The following ZNF608 variants were observed in gnomAD, a reference collection of about 807,000 sequenced individuals.
ZNF608 encodes renal carcinoma antigen NY-REN-36.
Under a neutral mutation model 109.0 loss-of-function variants are expected in ZNF608, and 12 were observed. The observed-to-expected ratio is 0.11, with a 90% CI of 0.07 to 0.18. The LOEUF (loss-of-function observed/expected upper bound fraction) is 0.18. ZNF608 is among the 10% of genes least tolerant of loss of function. ZNF608 has a pLI of 1.00. For synonymous variants in ZNF608, 732 were observed against 717.4 expected (o/e 1.02, Z -0.33); for missense variants, 1,707 against 1,879.3 (o/e 0.91, Z 1.70).
chr5:124,699,052 C>G (rs1752949658), intron 3 of ZNF608, among the ~76,000 whole-genome samples: 2 of 152,162 alleles, frequency 1.3e-5, no homozygotes, highest in African/African-American at 4.8e-5. Flanking sequence ...AGTAAATTAT[C>G]CAAGTACAAA....
Position 124,710,121 on chromosome 5 carries a change from C to T in ZNF608, c.907-8852G>A, listed in dbSNP as rs117248457. 141 of 429,902 alleles carry T rather than the reference C, an allele frequency of 3.3e-4. 1 individual carries two copies. In the East Asian group the frequency reaches 9.3e-3, roughly 28 times the overall value. 26.6% of individuals were successfully genotyped at this position (429,902 alleles called of 1,614,324 possible). ...GATAAATACATTGTCCTTGTGTGAC[C>T]CTTATTTCTCCTTGAAATTAGGTTG... On this transcript the variant is annotated intron_variant, in intron 2 of 9. Coordinates refer to ENST00000513986, the MANE Select transcript of ZNF608 (RefSeq NM_020747.3).
Position 124,649,708 on chromosome 5 carries a change from C to A in ZNF608, c.1163-11G>T. 6.4e-7 allele frequency: 1 copy of A among 1,553,156 alleles called. No homozygotes were observed. Among genetic ancestry groups the A allele is most frequent in the South Asian group, 1.2e-5 (1 of 83,752 alleles). ...TGACCACTAGGACACCTGCAGGAGGCAGGGGATGAAAAAGGATCATAGTTA... is the reference window on the plus strand; with the variant it reads ...TGACCACTAGGACACCTGCAGGAGGAAGGGGATGAAAAAGGATCATAGTTA... On this transcript the variant is annotated splice_polypyrimidine_tract_variant and intron_variant, in intron 3 of 9. Transcript: ENST00000513986.
At chr5:124,663,703 C>G (rs1751369465) in intron 3 of ZNF608, among the ~76,000 whole-genome samples, 1 of 152,132 alleles carries the variant, frequency 6.6e-6, no homozygotes, top group Non-Finnish European at 1.5e-5. Context: ...CACACTTTCC[C>G]AAACCGGTGA....
At chr5:124,644,112 G>T in intron 6 of ZNF608, 132 bp downstream of exon 6, 5 of 800,516 alleles carry the variant, frequency 6.2e-6, no homozygotes, top group South Asian at 5.2e-5. Context: ...TTTATCTTTG[G>T]GACTTTAAAC....
At chr5:124,700,478 A>G (rs1309671597) in intron 3 of ZNF608, among the ~76,000 whole-genome samples, 1 of 152,268 alleles carries the variant, frequency 6.6e-6, no homozygotes, top group African/African-American at 2.4e-5. Flanking sequence ...GTCTCTGGCC[A>G]TAGAAGAGAA....
intron 1 of ZNF608, 77 bp downstream of exon 1, chr5:124,746,118 T>C (rs1749631578): frequency 1.0e-6 from 1 of 985,054 alleles, no homozygotes; most frequent in African/African-American, 1.7e-5. Flanking sequence ...TCAGCCCCTT[T>C]TTAACAGTTG....
At position 124,710,513 on chromosome 5, in the gene ZNF608, A is replaced by G. The variant is rs181360451; in HGVS notation, c.907-9244T>C. Reference sequence around the variant, plus strand: ...AAGGGAAGGCCACAGAAGCACCCAAAGCATCGTGGGTCGGCTACAGAAGAA... The same window carrying G: ...AAGGGAAGGCCACAGAAGCACCCAAGGCATCGTGGGTCGGCTACAGAAGAA... On this transcript the variant is annotated intron_variant, in intron 2 of 9. Transcript: ENST00000513986. 48 of 253,288 alleles carry G rather than the reference A, an allele frequency of 1.9e-4. 2 individuals are homozygous for G. In the East Asian group the frequency reaches 3.7e-3, roughly 20 times the overall value. 15.7% of individuals were successfully genotyped at this position (253,288 alleles called of 1,614,324 possible).
intron 3 of ZNF608, among the ~76,000 whole-genome samples, chr5:124,697,697 T>C (rs547990482): frequency 1.3e-5 from 2 of 152,302 alleles, no homozygotes; most frequent in East Asian, 1.9e-4. Context: ...GCAGTAACAC[T>C]AGGGGAAAGA....
chr5:124,716,663 T>TA (rs1225790887), intron 2 of ZNF608, among the ~76,000 whole-genome samples: 2 of 152,334 alleles, frequency 1.3e-5, no homozygotes, highest in African/African-American at 4.8e-5. Context: ...CAGGTAGCTT[T>TA]AGTGTTAAGT....
At chr5:124,717,797 T>G (rs1011049765) in intron 2 of ZNF608, among the ~76,000 whole-genome samples, 11 of 152,168 alleles carry the variant, frequency 7.2e-5, no homozygotes, top group Admixed American at 1.3e-4. Flanking sequence ...GCATGCGACA[T>G]GCAACCTGGT....
intron 2 of ZNF608, among the ~76,000 whole-genome samples, chr5:124,742,984 T>A (rs915598911): frequency 6.6e-6 from 1 of 152,340 alleles, no homozygotes; most frequent in Admixed American, 6.5e-5. Flanking sequence ...ATATGAAGAT[T>A]AATTTCATAG....
intron 2 of ZNF608, among the ~76,000 whole-genome samples, chr5:124,738,615 A>G (rs903425958): frequency 6.6e-6 from 1 of 152,240 alleles, no homozygotes. Context: ...AAACTCAATT[A>G]TACTCATGAC....
chr5:124,742,872 C>CA (rs887879012), intron 2 of ZNF608, among the ~76,000 whole-genome samples: 14 of 150,836 alleles, frequency 9.3e-5, no homozygotes, highest in African/African-American at 2.2e-4. Flanking sequence ...CCAACTATAG[C>CA]AAAAAAAAAT....
chr5:124,721,972 A>AAAAAAAAAAG (rs1753937575), intron 2 of ZNF608, among the ~76,000 whole-genome samples: 2 of 144,214 alleles, frequency 1.4e-5, no homozygotes, highest in African/African-American at 5.1e-5. Flanking sequence ...AAAAAAAAAA[A>AAAAAAAAAAG]GAACTCAAAG....
intron 3 of ZNF608, among the ~76,000 whole-genome samples, chr5:124,700,201 ATCT>A (rs1050048855): frequency 1.1e-4 from 17 of 152,152 alleles, no homozygotes; most frequent in African/African-American, 3.4e-4. Context: ...AGCACTACAG[ATCT>A]TCTTGGTAGT....
chr5:124,682,435 C>T (rs1375722415), intron 3 of ZNF608, among the ~76,000 whole-genome samples: 1 of 152,106 alleles, frequency 6.6e-6, no homozygotes, highest in Admixed American at 6.5e-5. Context: ...AAGGGATGGA[C>T]CAAGAGAAAT....
chr5:124,643,970 T>C (rs1750372501), intron 6 of ZNF608, among the ~76,000 whole-genome samples: 1 of 152,182 alleles, frequency 6.6e-6, no homozygotes, highest in Non-Finnish European at 1.5e-5. Context: ...ATTATGACAG[T>C]AAGTGCTTAG....
intron 2 of ZNF608, among the ~76,000 whole-genome samples, chr5:124,720,176 T>C (rs1753849928): frequency 6.6e-6 from 1 of 152,168 alleles, no homozygotes; most frequent in Admixed American, 6.5e-5. Flanking sequence ...AGAAAAGAAA[T>C]AGCCTTCTCA....
chr5:124,661,370 T>C (rs1178441221), intron 3 of ZNF608, among the ~76,000 whole-genome samples: 2 of 151,974 alleles, frequency 1.3e-5, no homozygotes, highest in Non-Finnish European at 2.9e-5. Context: ...AGGTTAAACA[T>C]GAACTCATCT....
Sources: allele counts gnomAD v4.1 joint callset (sites outside exome capture counted in the v4.1 genomes callset), GRCh38; gene constraint gnomAD v4.1.1; transcripts MANE v1.5; gene names NCBI Gene and HGNC (gene_info 2026-07-23, HGNC 2026-07-21).